MTA3: variants seen among roughly 807,000 people sequenced by gnomAD.
The protein encoded by MTA3 is metastasis associated 1 family member 3.
In MTA3, 34 loss-of-function variants were observed where a neutral mutation model predicts 83.5. That is an observed-to-expected ratio of 0.41 (90% CI 0.31 to 0.54). MTA3 has a LOEUF of 0.54. Among genes scored for constraint, MTA3 ranks in the 20% least tolerant of loss-of-function variants. The probability of loss-of-function intolerance (pLI) is 0.33; values close to 1 mark genes in which losing one functional copy is unlikely to be tolerated. For missense variants in MTA3, 761 were observed against 726.4 expected (o/e 1.05, Z -0.55); for synonymous variants, 303 against 252.7 (o/e 1.20, Z -1.89).
chr2:42,684,232 G>A (rs1019999953), intron 9 of MTA3, among the ~76,000 whole-genome samples: 1 of 152,130 alleles, frequency 6.6e-6, no homozygotes, highest in Admixed American at 6.5e-5. Context: ...TTTCTATGAA[G>A]TCATCCTTTA....
chr2:42,750,579 C>T (rs1393904523), intron 16 of MTA3, among the ~76,000 whole-genome samples: 8 of 152,184 alleles, frequency 5.3e-5, no homozygotes, highest in Admixed American at 4.6e-4. Context: ...TCGATATTTT[C>T]TCATGGGCTT....
At chr2:42,723,901 C>T (rs1338532073) in intron 16 of MTA3, among the ~76,000 whole-genome samples, 4 of 152,078 alleles carry the variant, frequency 2.6e-5, no homozygotes, top group Non-Finnish European at 4.4e-5. Context: ...TGTTTTCCTC[C>T]ATTATGACTT....
At chr2:42,715,712 T>C (rs1373789920) in intron 14 of MTA3, among the ~76,000 whole-genome samples, 1 of 152,166 alleles carries the variant, frequency 6.6e-6, no homozygotes, top group Non-Finnish European at 1.5e-5. Context: ...TGAAGTATCT[T>C]TGGGTATTGT....
intron 8 of MTA3, among the ~76,000 whole-genome samples, chr2:42,664,686 A>G (rs1690066233): frequency 6.6e-6 from 1 of 151,704 alleles, no homozygotes; most frequent in African/African-American, 2.4e-5. Context: ...ACCTTTTTCT[A>G]TTAGGTGATC....
At chr2:42,542,266 G>C (rs1447930477) in intron 2 of MTA3, among the ~76,000 whole-genome samples, 1 of 152,186 alleles carries the variant, frequency 6.6e-6, no homozygotes, top group Non-Finnish European at 1.5e-5. Context: ...GCCCATCTCT[G>C]CGAAGGGGAT....
chr2:42,568,961 G>C (rs1417873659), intron 1 of MTA3, among the ~76,000 whole-genome samples, 188 bp downstream of exon 1: 1 of 145,368 alleles, frequency 6.9e-6, no homozygotes, highest in Non-Finnish European at 1.5e-5. Flanking sequence ...CCCCCCACGC[G>C]GGCTCGCGAG....
At chr2:42,608,919 A>G (rs1255708249) in intron 3 of MTA3, among the ~76,000 whole-genome samples, 1 of 152,042 alleles carries the variant, frequency 6.6e-6, no homozygotes, top group African/African-American at 2.4e-5. Flanking sequence ...ATTGATATGT[A>G]ATATTTGTGT....
chr2:42,604,242 C>A (rs1357276040), intron 3 of MTA3, among the ~76,000 whole-genome samples: 4 of 151,536 alleles, frequency 2.6e-5, no homozygotes, highest in Non-Finnish European at 5.9e-5. Flanking sequence ...GGGGTTTCAC[C>A]ATATTGGCCA....
At chr2:42,535,122 C>G (rs996743925) in intron 2 of MTA3, among the ~76,000 whole-genome samples, 15 of 151,210 alleles carry the variant, frequency 9.9e-5, no homozygotes, top group African/African-American at 2.9e-4. Context: ...CGCGGTGGCT[C>G]ACGCCTGTAA....
chr2:42,693,721 A>G (rs1204210581), intron 9 of MTA3, among the ~76,000 whole-genome samples: 1 of 152,226 alleles, frequency 6.6e-6, no homozygotes, highest in Non-Finnish European at 1.5e-5. Flanking sequence ...GGGGACCCCA[A>G]AAGCCTGCTT....
chr2:42,597,116 T>C (rs1322126475), intron 3 of MTA3, among the ~76,000 whole-genome samples: 1 of 151,982 alleles, frequency 6.6e-6, no homozygotes. Context: ...TTCACCTTGT[T>C]GTCCAGGCGG....
intron 14 of MTA3, among the ~76,000 whole-genome samples, chr2:42,715,151 T>G (rs948308160): frequency 3.9e-5 from 6 of 152,132 alleles, no homozygotes; most frequent in Admixed American, 1.3e-4. Context: ...TGGAGTTAGG[T>G]GAGTAATTTG....
intron 4 of MTA3, among the ~76,000 whole-genome samples, chr2:42,621,697 A>AT (rs1218164323): frequency 1.1e-3 from 3 of 2,736 alleles, no homozygotes; most frequent in Non-Finnish European, 1.9e-3. Context: ...CACTTCCCAG[A>AT]CGGGCGGCTG....
At chr2:42,659,393 A>G (rs1181388931) in intron 7 of MTA3, 2 of 152,528 alleles carry the variant, frequency 1.3e-5, no homozygotes, top group East Asian at 1.9e-4. Flanking sequence ...AAAGTAGTCA[A>G]AACTTGCTTT....
chr2:42,731,398 G>A (rs1668219909), intron 16 of MTA3, among the ~76,000 whole-genome samples: 1 of 152,158 alleles, frequency 6.6e-6, no homozygotes, highest in Non-Finnish European at 1.5e-5. Flanking sequence ...AGGTTTAATT[G>A]GACTTACAGT....
chr2:42,532,898 TC>T (rs1676043506), intron 2 of MTA3: 1 of 321,032 alleles, frequency 3.1e-6, no homozygotes, highest in Non-Finnish European at 6.0e-6. Flanking sequence ...CTTCTTTTTT[TC>T]CTGACCATTT....
At chr2:42,527,051 T>A (rs1363905149) in intron 2 of MTA3, among the ~76,000 whole-genome samples, 6 of 30,840 alleles carry the variant, frequency 1.9e-4, no homozygotes, top group East Asian at 8.8e-4. Context: ...AGACTCTGTC[T>A]CAAAAAAAAA....
rs890136948 is a variant in MTA3 at position 42,657,840 on chromosome 2, C to T, written c.602+1538C>T. On this transcript the variant is annotated intron_variant, in intron 7 of 16. Transcript: ENST00000405094. ...ATCCCAGTGCTTTGGGAGGCCAAGG[C>T]AGGCAGATCACCTTAGGTCAGGAGG... Among the ~76,000 whole-genome samples the T allele has an allele frequency of 4.6e-5, 7 of 150,718 alleles. No individual in the cohort carries two copies. The East Asian group carries it at 1.4e-3, about 29-fold the overall frequency.
intron 2 of MTA3, among the ~76,000 whole-genome samples, chr2:42,557,309 G>GA (rs1169176390): frequency 0.022 from 1,864 of 84,752 alleles, 34 homozygotes; most frequent in African/African-American, 0.072. Flanking sequence ...TAAAAATTAA[G>GA]AAAAAAAAAA....
Sources: gnomAD v4.1 joint callset for allele counts (sites outside exome capture counted in the v4.1 genomes callset) on GRCh38, gnomAD v4.1.1 for gene constraint, MANE v1.5 for transcripts, NCBI Gene and HGNC (gene_info 2026-07-23, HGNC 2026-07-21) for gene names.